Variants in PCBP3 observed in about 807,000 individuals in gnomAD.
PCBP3 encodes the protein poly(rC) binding protein 3, also known as poly(rC)-binding protein 3.
Under a neutral mutation model 52.7 loss-of-function variants are expected in PCBP3, and 25 were observed. That is an observed-to-expected ratio of 0.47 (90% confidence interval 0.35 to 0.66). The LOEUF is 0.66. Among genes scored for constraint, PCBP3 ranks in the 30% least tolerant of loss-of-function variants. The pLI, the probability that PCBP3 is intolerant of heterozygous loss-of-function variation, is 0.01. For synonymous variants in PCBP3, 162 were observed against 183.0 expected, an observed-to-expected ratio of 0.89 and a Z score of 0.93; for missense variants, 391 against 490.3, an observed-to-expected ratio of 0.80 and a Z score of 1.91.
At chr21:45,767,617 G>T (rs188476287) in intron 4 of PCBP3, among the ~76,000 whole-genome samples, 33 of 152,318 alleles carry the variant, frequency 2.2e-4, no homozygotes, top group African/African-American at 7.5e-4. Context: ...CACAGCAGCC[G>T]CACTGCACTG....
At chr21:45,902,882 C>A (rs953690033) in intron 9 of PCBP3, among the ~76,000 whole-genome samples, 2 of 152,256 alleles carry the variant, frequency 1.3e-5, no homozygotes, top group African/African-American at 4.8e-5. Flanking sequence ...TCCCGAATAA[C>A]TTCTGCTGGA....
Position 45,741,892 on chromosome 21 carries a change from C to T in PCBP3, c.-162+6463C>T, listed in dbSNP as rs951233105. Among the ~76,000 whole-genome samples the T allele has an allele frequency of 6.6e-6, 1 of 152,106 alleles. No individual in the cohort carries two copies. The highest frequency in any genetic ancestry group is 1.5e-5 in the Non-Finnish European group (1 of 68,016). ...GCTCTGCAGCGTTAGGCCTGGTGAG[C>T]GCCTCTTGCCCAGTGCCCTGGGGGC... On this transcript the variant is annotated intron_variant, in intron 3 of 17. Coordinates refer to ENST00000681687, the MANE Select transcript of PCBP3 (RefSeq NM_001384156.1). This position sits in a 1 kb window ranked among gnomAD's most constrained non-coding sequence, Gnocchi z 4.5.
chr21:45,875,304 C>G (rs2095219169), intron 5 of PCBP3, among the ~76,000 whole-genome samples: 1 of 152,206 alleles, frequency 6.6e-6, no homozygotes, highest in Non-Finnish European at 1.5e-5. Flanking sequence ...CGTGCTGCGG[C>G]TGACTCTCTG....
chr21:45,850,072 C>T lies in PCBP3; in HGVS notation c.-14C>T, dbSNP rs972546489. Reference sequence around the variant, plus strand: ...TGCTGTCTATGGATCTGCTCTAAACCTTATAGCCTGCTTATGGGGGAAGGT... The same window carrying T: ...TGCTGTCTATGGATCTGCTCTAAACTTTATAGCCTGCTTATGGGGGAAGGT... On this transcript the variant is annotated 5_prime_UTR_variant, in exon 5 of 18. Transcript: ENST00000681687. 1.3e-6 allele frequency: 2 copies of T among 1,549,898 alleles called. No individual in the cohort carries two copies. Among genetic ancestry groups the T allele is most frequent in the Non-Finnish European group, 1.7e-6 (2 of 1,145,330 alleles).
At chr21:45,835,462 T>C (rs948786454) in intron 4 of PCBP3, among the ~76,000 whole-genome samples, 1 of 152,100 alleles carries the variant, frequency 6.6e-6, no homozygotes, top group African/African-American at 2.4e-5. Context: ...GGCCGTCAGC[T>C]CCTGGCCGCA....
At chr21:45,757,556 T>C (rs1268797092) in intron 4 of PCBP3, among the ~76,000 whole-genome samples, 1 of 152,202 alleles carries the variant, frequency 6.6e-6, no homozygotes, top group Non-Finnish European at 1.5e-5. Flanking sequence ...TGTTTTTTCT[T>C]TGGTTGTGTG....
chr21:45,796,463 C>T (rs1426146730), intron 4 of PCBP3, among the ~76,000 whole-genome samples: 1 of 152,152 alleles, frequency 6.6e-6, no homozygotes, highest in Non-Finnish European at 1.5e-5. Context: ...TGTCTGTCTT[C>T]TGTATGTATC....
At chr21:45,665,514 T>C (rs993156088) in intron 1 of PCBP3, among the ~76,000 whole-genome samples, 1 of 152,170 alleles carries the variant, frequency 6.6e-6, no homozygotes, top group African/African-American at 2.4e-5. Flanking sequence ...TCTTTAGGGC[T>C]TTCTAGGTAC....
intron 11 of PCBP3, 28 bp downstream of exon 11, chr21:45,911,058 A>G (rs527555283): frequency 6.2e-7 from 1 of 1,604,274 alleles, no homozygotes; most frequent in African/African-American, 1.3e-5. Context: ...GGGCCAGCCC[A>G]CGTCAGTGCT....
intron 16 of PCBP3, among the ~76,000 whole-genome samples, chr21:45,938,100 G>A (rs2077068868): frequency 6.6e-6 from 1 of 152,222 alleles, no homozygotes; most frequent in Admixed American, 6.5e-5. Flanking sequence ...GCTGGAGCGA[G>A]GCAGTTAGAA....
intron 2 of PCBP3, among the ~76,000 whole-genome samples, chr21:45,709,108 T>C (rs2083653116): frequency 1.3e-5 from 2 of 152,356 alleles, no homozygotes; most frequent in South Asian, 4.1e-4. Context: ...CTTGCTGAGC[T>C]GGCATGAGGA....
In PCBP3 at chr21:45,657,737, G is replaced by C. The variant is rs369377819; in HGVS notation, c.-278-11137G>C. Among the ~76,000 whole-genome samples, 4 of 152,056 alleles carry C rather than the reference G, an allele frequency of 2.6e-5. No homozygotes were observed. In the East Asian group the frequency reaches 7.7e-4, roughly 29 times the overall value. On this transcript the variant is annotated intron_variant, in intron 1 of 17. Transcript: ENST00000681687. Reference sequence around the variant, plus strand: ...ATTGAATCTGTAGATAATTCGGGGAGTATTGTCAGGTTAACAATATTAAGT... The same window carrying C: ...ATTGAATCTGTAGATAATTCGGGGACTATTGTCAGGTTAACAATATTAAGT...
intron 9 of PCBP3, among the ~76,000 whole-genome samples, chr21:45,905,358 A>G (rs1168672121): frequency 1.3e-5 from 2 of 152,240 alleles, no homozygotes; most frequent in Non-Finnish European, 2.9e-5. Context: ...CAGCAGAGCT[A>G]AAAGCCCCTC....
At position 45,940,055 on chromosome 21, in the gene PCBP3, A is replaced by G. The variant is rs1353105625; in HGVS notation, c.935A>G (p.Gln312Arg). The G allele has an allele frequency of 1.2e-6, 2 of 1,614,116 alleles. No homozygotes were observed. The highest frequency in any genetic ancestry group is 2.2e-5 in the South Asian group (2 of 91,082). ...NDLIGCIIGR[Q>R]GTKINEIRQM... is the part of the protein sequence containing the mutation. ...CTAATAGGCTGCATAATTGGACGCC[A>G]AGGGACCAAAATCAATGAAATTCGA... is the stretch of plus-strand genomic sequence containing the variant. Residue 312 changes from glutamine to arginine, a missense_variant, in exon 17 of 18, where the codon CAA becomes CGA. Gln to Arg is a conservative substitution (Grantham distance 43). Transcript: ENST00000681687.
chr21:45,708,972 A>G (rs939167162), intron 2 of PCBP3, among the ~76,000 whole-genome samples: 1 of 152,276 alleles, frequency 6.6e-6, no homozygotes, highest in African/African-American at 2.4e-5. Flanking sequence ...CCTGAGCTTC[A>G]GTGCCTGGTA....
In PCBP3 at chr21:45,827,076, C is replaced by G. The variant is rs1170028385; in HGVS notation, c.-125-22885C>G. Among the ~76,000 whole-genome samples, 1 of 152,170 alleles carries G rather than the reference C, an allele frequency of 6.6e-6. No homozygotes were observed. The highest frequency in any genetic ancestry group is 1.5e-5 in the Non-Finnish European group (1 of 68,040). On this transcript the variant is annotated intron_variant, in intron 4 of 17. Transcript: ENST00000681687. The surrounding 1 kb of genome is among the most constrained non-coding windows in gnomAD (Gnocchi z 4.3). ...TGGGGACATGTACTCCCAGCTGAGC[C>G]AGGCTCTCAAGAGCGCTCCCCACTC...
At chr21:45,909,618 A>G in intron 10 of PCBP3, 132 bp downstream of exon 10, 1 of 831,630 alleles carries the variant, frequency 1.2e-6, no homozygotes, top group Non-Finnish European at 1.9e-6. Flanking sequence ...CGCAGACCCC[A>G]CAGCTCAAAG....
chr21:45,907,399 C>T (rs1038246837), intron 9 of PCBP3, among the ~76,000 whole-genome samples: 4 of 152,186 alleles, frequency 2.6e-5, no homozygotes, highest in Non-Finnish European at 4.4e-5. Flanking sequence ...CTCACGCCAG[C>T]GCCTCCCTTA....
chr21:45,898,654 C>T (rs376324436), intron 6 of PCBP3, among the ~76,000 whole-genome samples: 53 of 80,762 alleles, frequency 6.6e-4, no homozygotes, highest in South Asian at 1.3e-3. Flanking sequence ...CCCCTCTGCA[C>T]ACCGTCCTCA....
Sources: gnomAD v4.1 joint callset for allele counts (sites outside exome capture counted in the v4.1 genomes callset) on GRCh38, gnomAD v4.1.1 for gene constraint, Gnocchi (gnomAD v3.1) non-coding constraint, MANE v1.5 for transcripts, NCBI Gene and HGNC (gene_info 2026-07-23, HGNC 2026-07-21) for gene names.